SAFB2: variants seen among roughly 807,000 people sequenced by gnomAD.
SAFB2 encodes the protein scaffold attachment factor B2.
A neutral mutation model predicts 100.6 loss-of-function variants in SAFB2; 32 were observed. The ratio of observed to expected loss-of-function variants is 0.32; its 90% CI spans 0.24 to 0.43. The LOEUF (loss-of-function observed/expected upper bound fraction) is 0.43, where lower values mean the gene tolerates loss of function less well. Among genes scored for constraint, SAFB2 ranks in the 20% least tolerant of loss-of-function variants. The probability of loss-of-function intolerance (pLI) is 1.00; values close to 1 mark genes in which losing one functional copy is unlikely to be tolerated. For synonymous variants in SAFB2, 500 were observed against 439.4 expected (o/e 1.14, Z -1.72); for missense variants, 1,185 against 1,163.4 (o/e 1.02, Z -0.27).
chr19:5,587,580 G>C lies in SAFB2; in HGVS notation c.2705+121C>G, dbSNP rs2052284545. The stretch of plus-strand genomic sequence containing the variant: ...GAGCGTTATTTGCATAAATTGCAAA[G>C]AGCTGCTTTTTGCTTTGTTTTCATA... On this transcript the variant is annotated intron_variant, in intron 20 of 20. Transcript: ENST00000252542. The surrounding 1 kb of genome is among the most constrained non-coding windows in gnomAD (Gnocchi z 4.9). 6.9e-7 allele frequency: 1 copy of C among 1,445,898 alleles called. No homozygotes were observed. 89.6% of individuals were successfully genotyped at this position (1,445,898 alleles called of 1,614,324 possible).
At chr19:5,611,880 G>C in intron 6 of SAFB2, 1 of 643,532 alleles carries the variant, frequency 1.6e-6, no homozygotes, top group Non-Finnish European at 2.8e-6. Context: ...ACAACCACGC[G>C]GCTGGTTCTC....
rs1374971121 is a variant in SAFB2, at chr19:5,594,165, G to A, written c.1933C>T (p.Arg645Trp). Residue 645 changes from arginine (R) to tryptophan (W), a missense_variant, in exon 15 of 21, where the codon CGG becomes TGG. Coordinates refer to ENST00000252542, the MANE Select transcript of SAFB2 (RefSeq NM_014649.3). ...ETERRREREQ[R>W]EREQRLEAFH... ...GCCTCGAGGCGTTGCTCCCGCTCCCGCTGCTCGCGCTCCCTGCGGGGACAG... is the reference window on the plus strand; with the variant it reads ...GCCTCGAGGCGTTGCTCCCGCTCCCACTGCTCGCGCTCCCTGCGGGGACAG... 2 of 1,595,008 alleles carry A rather than the reference G, an allele frequency of 1.3e-6. No individual in the cohort carries two copies. Among genetic ancestry groups the A allele is most frequent in the Non-Finnish European group, 1.7e-6 (2 of 1,176,680 alleles).
Position 5,587,760 on chromosome 19 carries a change from C to G in SAFB2, c.2646G>C (p.Glu882Asp), listed in dbSNP as rs2052291743. 6.4e-7 allele frequency: 1 copy of G among 1,552,508 alleles called. No homozygotes were observed. The highest frequency in any genetic ancestry group is 8.7e-7 in the Non-Finnish European group (1 of 1,147,580). The change falls in exon 20 of 21, where the codon GAG (glutamate) becomes GAC (aspartate). Residue 882 changes from glutamate (E) to aspartate (D), a missense_variant. Transcript: ENST00000252542. The surrounding 1 kb of genome is among the most constrained non-coding windows in gnomAD (Gnocchi z 4.9). ...SREHARWQGGERGLSGPSGPG... is the reference protein window; with the variant it reads ...SREHARWQGGDRGLSGPSGPG... ...GCCCCGAGGGCCCAGACAGGCCCCT[C>G]TCGCCACCTAGAAGAGAAGAAGGGT...
At chr19:5,601,028 G>A (rs2052644429) in intron 11 of SAFB2, among the ~76,000 whole-genome samples, 1 of 152,152 alleles carries the variant, frequency 6.6e-6, no homozygotes, top group South Asian at 2.1e-4. Context: ...GCACCTGTTG[G>A]CCTCTCCTCC....
At chr19:5,604,434 G>C (rs2052728863) in intron 11 of SAFB2, 149 bp downstream of exon 11, 1 of 611,372 alleles carries the variant, frequency 1.6e-6, no homozygotes, top group African/African-American at 1.9e-5. Context: ...AGTGGCAGCA[G>C]AACACAAAAA....
intron 13 of SAFB2, among the ~76,000 whole-genome samples, chr19:5,597,004 C>G (rs142171215): frequency 6.6e-6 from 1 of 152,248 alleles, no homozygotes; most frequent in Non-Finnish European, 1.5e-5. Flanking sequence ...CACACAGACA[C>G]AGGAGAGACA....
intron 2 of SAFB2, among the ~76,000 whole-genome samples, chr19:5,619,654 AC>A (rs1290127053): frequency 2.6e-5 from 4 of 152,200 alleles, no homozygotes; most frequent in Non-Finnish European, 4.4e-5. Flanking sequence ...AGCCTGGCCA[AC>A]ATGGATGGTG....
intron 14 of SAFB2, among the ~76,000 whole-genome samples, chr19:5,594,582 T>G (rs991102249): frequency 3.3e-5 from 5 of 152,076 alleles, no homozygotes; most frequent in Non-Finnish European, 5.9e-5. Context: ...GGACTCTGCT[T>G]GCAGTTTCTG....
Position 5,587,875 on chromosome 19 carries a change from C to G in SAFB2, c.2631G>C (p.Arg877Ser). 6 of 1,610,954 alleles carry G rather than the reference C, an allele frequency of 3.7e-6. No homozygotes were observed. Among genetic ancestry groups the G allele is most frequent in the Non-Finnish European group, 5.1e-6 (6 of 1,178,942 alleles). ...DAGAASREHA[R>S]WQGGERGLSG... The stretch of plus-strand genomic sequence containing the variant: ...CTGGAGCCAGCCCCGTACCTTGCCA[C>G]CTGGCGTGCTCCCGGCTAGCCGCGC... The change falls in exon 19 of 21, where the codon AGG becomes AGC. Residue 877 changes from arginine to serine, a missense_variant. Transcript: ENST00000252542. This position sits in a 1 kb window ranked among gnomAD's most constrained non-coding sequence, Gnocchi z 4.9.
chr19:5,621,540 C>A, intron 1 of SAFB2, 144 bp from the exon 2 acceptor site: 1 of 675,662 alleles, frequency 1.5e-6, no homozygotes, highest in Admixed American at 2.1e-5. Flanking sequence ...GCCGCAAGCC[C>A]AAAAGGCGGA....
intron 12 of SAFB2, among the ~76,000 whole-genome samples, chr19:5,599,659 C>A (rs2052613153): frequency 6.6e-6 from 1 of 152,122 alleles, no homozygotes; most frequent in African/African-American, 2.4e-5. Context: ...GCACAATGAA[C>A]CTTTATAAAA....
In SAFB2 at chr19:5,621,373, A is replaced by G; in HGVS notation, c.210T>C (p.Asp70=). ...CTAACTCGATGCCAATTTCATCAGG[A>G]TCTTGCCCCTCTTCTTTAACCGCCT... ...LKKAVKEEGQ[D]PDEIGIELEA... The change falls in exon 2 of 21, where the codon GAT becomes GAC. Residue 70 remains aspartate, a synonymous_variant. Coordinates refer to ENST00000252542, the MANE Select transcript of SAFB2 (RefSeq NM_014649.3). 1.9e-6 allele frequency: 3 copies of G among 1,613,518 alleles called. No individual in the cohort carries two copies. Among genetic ancestry groups the G allele is most frequent in the Non-Finnish European group, 2.5e-6 (3 of 1,179,446 alleles).
chr19:5,613,620 C>T (rs2052958296), intron 4 of SAFB2, 93 bp from the exon 5 acceptor site: 1 of 1,543,352 alleles, frequency 6.5e-7, no homozygotes, highest in African/African-American at 1.4e-5. Flanking sequence ...GTCTATTTCC[C>T]TCACGGCACC....
intron 9 of SAFB2, among the ~76,000 whole-genome samples, chr19:5,606,300 A>C: frequency 6.6e-6 from 1 of 152,250 alleles, no homozygotes. Context: ...ACTAGCACCC[A>C]AAAAATACAA....
chr19:5,587,054 G>C lies in SAFB2; in HGVS notation c.*189C>G. 1 of 770,410 alleles carries C rather than the reference G, an allele frequency of 1.3e-6. No homozygotes were observed. 47.7% of individuals were successfully genotyped at this position (770,410 alleles called of 1,614,324 possible). On this transcript the variant is annotated 3_prime_UTR_variant, in exon 21 of 21. Transcript: ENST00000252542. This position sits in a 1 kb window ranked among gnomAD's most constrained non-coding sequence, Gnocchi z 4.9. The stretch of plus-strand genomic sequence containing the variant: ...GGAATGCCTCGTTAACAGAAACCTT[G>C]ATTTAAAAATGGCAGAACAAGAACA...
At chr19:5,621,615 C>T (rs190529529) in intron 1 of SAFB2, among the ~76,000 whole-genome samples, 1 of 152,358 alleles carries the variant, frequency 6.6e-6, no homozygotes, top group Admixed American at 6.5e-5. Flanking sequence ...AGGCTGTGAG[C>T]AGGAGCTCCA....
chr19:5,587,275 G>A lies in SAFB2; in HGVS notation c.2830C>T (p.Pro944Ser), dbSNP rs1240605653. ...CGGCGGGTGAAGTGGGGGTACGGGG[G>A]GGGATGAGGGTGTGGGTGAGGGACT... ...SRVPHPHPHP[P>S]PYPHFTRRY The change falls in exon 21 of 21, where the codon CCC (proline) becomes TCC (serine). Residue 944 changes from proline to serine, a missense_variant. By Grantham distance (74) the Pro-to-Ser change is moderately conservative. This residue lies in a region of SAFB2 where 740 missense variants were observed against 687.1 expected (regional missense o/e 1.08). Coordinates refer to ENST00000252542, the MANE Select transcript of SAFB2 (RefSeq NM_014649.3). This position sits in a 1 kb window ranked among gnomAD's most constrained non-coding sequence, Gnocchi z 4.9. The A allele has an allele frequency of 1.2e-6, 2 of 1,613,340 alleles. No individual in the cohort carries two copies. Among genetic ancestry groups the A allele is most frequent in the Non-Finnish European group, 1.7e-6 (2 of 1,179,794 alleles).
At chr19:5,612,998 C>T (rs909778424) in intron 5 of SAFB2, among the ~76,000 whole-genome samples, 8 of 152,320 alleles carry the variant, frequency 5.3e-5, no homozygotes, top group African/African-American at 9.6e-5. Context: ...AAACCTTTTC[C>T]GACATCTGTC....
intron 8 of SAFB2, chr19:5,610,390 A>G: frequency 1.7e-6 from 1 of 586,966 alleles, no homozygotes; most frequent in Middle Eastern, 3.1e-4. Flanking sequence ...AACAGTCTTC[A>G]ATGAGCAGAA....
Sources: allele counts gnomAD v4.1 joint callset (sites outside exome capture counted in the v4.1 genomes callset), GRCh38; gene constraint gnomAD v4.1.1; regional missense constraint gnomAD v4.1.1; non-coding constraint Gnocchi (gnomAD v3.1); transcripts MANE v1.5; gene names NCBI Gene and HGNC (gene_info 2026-07-23, HGNC 2026-07-21).